The following PXK variants were observed in gnomAD, a reference collection of about 807,000 sequenced individuals.
PXK encodes PX domain containing serine/threonine kinase like, also known as PX domain-containing protein kinase-like protein.
A neutral mutation model predicts 84.7 loss-of-function variants in PXK; 35 were observed. The observed-to-expected ratio is 0.41, with a 90% confidence interval of 0.32 to 0.55. The LOEUF (loss-of-function observed/expected upper bound fraction) is 0.55. PXK is among the 20% of genes least tolerant of loss of function. PXK has a pLI of 0.21. For missense variants in PXK, 634 were observed against 699.7 expected (o/e 0.91, Z 1.06); for synonymous variants, 253 against 260.8 (o/e 0.97, Z 0.29).
chr3:58,405,864 T>C (rs1414309045), intron 13 of PXK, among the ~76,000 whole-genome samples: 1 of 152,202 alleles, frequency 6.6e-6, no homozygotes, highest in African/African-American at 2.4e-5. Context: ...GAAAGTTTAA[T>C]CTTACAAAAT....
intron 1 of PXK, among the ~76,000 whole-genome samples, chr3:58,343,346 G>A (rs1269495831): frequency 6.6e-6 from 1 of 152,222 alleles, no homozygotes; most frequent in African/African-American, 2.4e-5. Flanking sequence ...GCACCCTGCT[G>A]GTCCGTGAGA....
chr3:58,418,627 C>T lies in PXK; in HGVS notation c.1528+5664C>T, dbSNP rs74514220. Among the ~76,000 whole-genome samples, 688 of 151,888 alleles carry T rather than the reference C, an allele frequency of 4.5e-3. 2 individuals are homozygous for T. Among genetic ancestry groups the T allele is most frequent in the Middle Eastern group, 0.02 (6 of 294 alleles). On this transcript the variant is annotated intron_variant, in intron 17 of 17. Coordinates refer to ENST00000356151, the MANE Select transcript of PXK (RefSeq NM_017771.5). ...TCTGTTCTTTGAGGCTTTTAAAAGA[C>T]GTCTCGCTCTTTATTAGATAGATGG...
intron 2 of PXK, among the ~76,000 whole-genome samples, chr3:58,366,781 CT>C (rs2098278411): frequency 6.6e-6 from 1 of 152,124 alleles, no homozygotes; most frequent in African/African-American, 2.4e-5. Context: ...TTCACTTAAC[CT>C]TTTAAAAATG....
intron 1 of PXK, among the ~76,000 whole-genome samples, chr3:58,335,711 C>T (rs1481700403): frequency 6.6e-6 from 1 of 151,984 alleles, no homozygotes; most frequent in Non-Finnish European, 1.5e-5. Flanking sequence ...TTGGAAGAGG[C>T]AAGACCTTAA....
intron 9 of PXK, 116 bp downstream of exon 9, chr3:58,395,875 C>A: frequency 1.3e-6 from 1 of 764,456 alleles, no homozygotes; most frequent in Non-Finnish European, 2.1e-6. Context: ...TACTTATAAA[C>A]TGATTGCATT....
chr3:58,343,351 G>C (rs1324654216), intron 1 of PXK, among the ~76,000 whole-genome samples: 1 of 152,352 alleles, frequency 6.6e-6, no homozygotes, highest in East Asian at 1.9e-4. Context: ...CTGCTGGTCC[G>C]TGAGAGCACA....
At chr3:58,404,308 A>G (rs1361847821) in intron 13 of PXK, among the ~76,000 whole-genome samples, 1 of 152,170 alleles carries the variant, frequency 6.6e-6, no homozygotes, top group African/African-American at 2.4e-5. Context: ...TGTTCCTACA[A>G]TATTAGCTGT....
At chr3:58,413,245 G>T (rs2060471383) in intron 17 of PXK, 1 of 495,636 alleles carries the variant, frequency 2.0e-6, no homozygotes, top group South Asian at 2.1e-5. Flanking sequence ...GAGCTTCTCA[G>T]ATTGGAGCCT....
At chr3:58,418,727 C>T (rs1255736396) in intron 17 of PXK, among the ~76,000 whole-genome samples, 1 of 152,222 alleles carries the variant, frequency 6.6e-6, no homozygotes, top group Non-Finnish European at 1.5e-5. Context: ...TCAGATAATT[C>T]TAGCTGTTCT....
chr3:58,390,012 A>C lies in PXK; in HGVS notation c.389-570A>C, dbSNP rs1459012377. Among the ~76,000 whole-genome samples the C allele has an allele frequency of 1.3e-5, 2 of 150,856 alleles. No individual in the cohort carries two copies. The highest frequency in any genetic ancestry group is 6.6e-5 in the Admixed American group (1 of 15,100). On this transcript the variant is annotated intron_variant, in intron 4 of 17. Coordinates refer to ENST00000356151, the MANE Select transcript of PXK (RefSeq NM_017771.5). This position sits in a 1 kb window ranked among gnomAD's most constrained non-coding sequence, Gnocchi z 4.2. ...GAAACTCCGTCTCAAAAAAAAAAAA[A>C]AAAAAAAAAAAACAATTTAGCCAGG...
intron 1 of PXK, among the ~76,000 whole-genome samples, chr3:58,351,271 A>G (rs996424946): frequency 3.3e-5 from 5 of 152,082 alleles, no homozygotes; most frequent in East Asian, 1.9e-4. Flanking sequence ...CAGTGGTGCA[A>G]TCACGGCTCA....
chr3:58,356,710 C>T (rs542225386), intron 1 of PXK, among the ~76,000 whole-genome samples: 122 of 151,470 alleles, frequency 8.1e-4, no homozygotes, highest in Admixed American at 2.6e-3. Context: ...TTCAAGTGAT[C>T]CTCCTGCCTA....
chr3:58,381,761 A>G (rs1049038728), intron 3 of PXK, among the ~76,000 whole-genome samples: 1 of 152,104 alleles, frequency 6.6e-6, no homozygotes, highest in African/African-American at 2.4e-5. Context: ...CATCTTCCAT[A>G]ATGGGAAATC....
In PXK at chr3:58,421,512, G is replaced by A. The variant is rs1477123565; in HGVS notation, c.1529-3240G>A. The A allele has an allele frequency of 1.0e-5, 9 of 890,726 alleles. No individual in the cohort carries two copies. The highest frequency in any genetic ancestry group is 3.6e-5 in the African/African-American group (2 of 55,154). 55.2% of individuals were successfully genotyped at this position (890,726 alleles called of 1,614,324 possible). The stretch of plus-strand genomic sequence containing the variant: ...AGAGAATCACTTGAACCCGGGAGGC[G>A]GAGCTTGCAGTGAGCCGAGATCGCG... On this transcript the variant is annotated intron_variant, in intron 17 of 17. Coordinates refer to ENST00000356151, the MANE Select transcript of PXK (RefSeq NM_017771.5). The surrounding 1 kb of genome is among the most constrained non-coding windows in gnomAD (Gnocchi z 5.5).
chr3:58,360,437 ATCAAT>A (rs1411679044), intron 1 of PXK, among the ~76,000 whole-genome samples: 2 of 152,196 alleles, frequency 1.3e-5, no homozygotes, highest in African/African-American at 4.8e-5. Context: ...AATCAGTGGA[ATCAAT>A]TCAGTAGAAA....
chr3:58,378,513 TGTGTGTGTGTGTGTG>T (rs1553776540), intron 3 of PXK, among the ~76,000 whole-genome samples: 2 of 25,254 alleles, frequency 7.9e-5, no homozygotes, highest in African/African-American at 3.2e-4. Flanking sequence ...TTTTTTTTTT[TGTGTGTGTGTGTGTG>T]TGTGTGTGTG....
chr3:58,382,606 C>G lies in PXK; in HGVS notation c.294C>G (p.Asn98Lys). Reference protein sequence around the residue: ...FIAERQKGLQNYLNVITTNHI... With the variant: ...FIAERQKGLQKYLNVITTNHI... ...CTGAAAGGCAGAAAGGTCTTCAGAA[C>G]TATCTCAACGTGATCACAACAAATC... The change falls in exon 4 of 18, where the codon AAC becomes AAG. Residue 98 changes from asparagine (N) to lysine (K), a missense_variant. This residue lies in a region of PXK where 353 missense variants were observed against 385.2 expected (regional missense o/e 0.92). Coordinates refer to ENST00000356151, the MANE Select transcript of PXK (RefSeq NM_017771.5). The G allele has an allele frequency of 6.2e-7, 1 of 1,606,842 alleles. No homozygotes were observed.
chr3:58,379,669 A>G lies in PXK; in HGVS notation c.202-2845A>G, dbSNP rs1327325269. 6.6e-6 allele frequency: 1 copy of G among 152,236 alleles called. No individual in the cohort carries two copies. Among genetic ancestry groups the G allele is most frequent in the East Asian group, 1.9e-4 (1 of 5,204 alleles). 9.4% of individuals were successfully genotyped at this position (152,236 alleles called of 1,614,324 possible). ...TCTTCTCAGAGAGATAAGAAATGGT[A>G]TTACATTCAAGGTGCTATTAAGGAA... is the stretch of plus-strand genomic sequence containing the variant. On this transcript the variant is annotated intron_variant, in intron 3 of 17. Coordinates refer to ENST00000356151, the MANE Select transcript of PXK (RefSeq NM_017771.5). This position sits in a 1 kb window ranked among gnomAD's most constrained non-coding sequence, Gnocchi z 5.1.
At chr3:58,393,919 T>C (rs2098656032) in intron 7 of PXK, among the ~76,000 whole-genome samples, 1 of 152,256 alleles carries the variant, frequency 6.6e-6, no homozygotes, top group Admixed American at 6.5e-5. Context: ...TCAAGGATTT[T>C]TATTCTACCC....
Sources: allele counts gnomAD v4.1 joint callset (sites outside exome capture counted in the v4.1 genomes callset), GRCh38; gene constraint gnomAD v4.1.1; regional missense constraint gnomAD v4.1.1; non-coding constraint Gnocchi (gnomAD v3.1); transcripts MANE v1.5; gene names NCBI Gene and HGNC (gene_info 2026-07-23, HGNC 2026-07-21).